Variants in ACTR1B observed in about 807,000 individuals in gnomAD.
The protein encoded by ACTR1B is actin related protein 1B, also known as beta-centractin.
ACTR1B carries 34 observed loss-of-function variants against 49.4 expected under a neutral mutation model. The ratio of observed to expected loss-of-function variants is 0.69; its 90% CI spans 0.52 to 0.92. The LOEUF (loss-of-function observed/expected upper bound fraction) is 0.92. Among genes scored for constraint, ACTR1B ranks in the 40% least tolerant of loss-of-function variants. ACTR1B has a pLI of 0.00. For missense variants in ACTR1B, 471 were observed against 522.4 expected, an observed-to-expected ratio of 0.90 and a Z score of 0.96; for synonymous variants, 207 against 207.8, an observed-to-expected ratio of 1.00 and a Z score of 0.03.
Position 97,656,045 on chromosome 2 carries a change from A to C in ACTR1B, c.*813T>G, listed in dbSNP as rs1159278737. The C allele has an allele frequency of 6.6e-6, 1 of 152,206 alleles. No homozygotes were observed. The highest frequency in any genetic ancestry group is 1.5e-5 in the Non-Finnish European group (1 of 68,026). 9.4% of individuals were successfully genotyped at this position (152,206 alleles called of 1,614,324 possible). On this transcript the variant is annotated 3_prime_UTR_variant, in exon 11 of 11. Transcript: ENST00000289228. Reference sequence around the variant, plus strand: ...CGTGTTAAATTATTGTACATATCTGAGAGAGGGAGGTGGGGCCCTGGCCAC... The same window carrying C: ...CGTGTTAAATTATTGTACATATCTGCGAGAGGGAGGTGGGGCCCTGGCCAC...
intron 1 of ACTR1B, 35 bp downstream of exon 1, chr2:97,663,808 G>A (rs1335148783): frequency 7.4e-7 from 1 of 1,346,932 alleles, no homozygotes; most frequent in Admixed American, 3.0e-5. Context: ...CCCGGGGGCG[G>A]GGCGCCCGCC....
chr2:97,659,365 G>T lies in ACTR1B; in HGVS notation c.302C>A (p.Thr101Asn), dbSNP rs754563776. The T allele has an allele frequency of 1.2e-6, 2 of 1,614,064 alleles. No homozygotes were observed. Among genetic ancestry groups the T allele is most frequent in the South Asian group, 1.1e-5 (1 of 91,082 alleles). ...QYVYSKDQLQ[T>N]FSEEHPVLLT... ...CAGCCGCCACACCTCCTCCGAGAAG[G>T]TCTGCAGCTGATCCTTGGAGTAGAC... The change falls in exon 4 of 11, where the codon ACC (threonine) becomes AAC (asparagine). Residue 101 changes from threonine to asparagine, a missense_variant. Transcript: ENST00000289228. This position sits in a 1 kb window ranked among gnomAD's most constrained non-coding sequence, Gnocchi z 4.0.
In ACTR1B at chr2:97,658,224, A is replaced by T. The variant is rs1228174392; in HGVS notation, c.750T>A (p.Asp250Glu). 3 of 1,614,070 alleles carry T rather than the reference A, an allele frequency of 1.9e-6. No individual in the cohort carries two copies. Among genetic ancestry groups the T allele is most frequent in the South Asian group, 2.2e-5 (2 of 91,078 alleles). Residue 250 changes from aspartate to glutamate, a missense_variant and splice_region_variant, in exon 7 of 11, where the codon GAT becomes GAA. By Grantham distance (45) the Asp-to-Glu change is conservative (BLOSUM62 2). Transcript: ENST00000289228. This position sits in a 1 kb window ranked among gnomAD's most constrained non-coding sequence, Gnocchi z 5.9. The part of the protein sequence containing the change: ...QYTLPDGSTL[D>E]VGPARFRAPE... The stretch of plus-strand genomic sequence containing the variant: ...TCCAGTGCCAGGCCCGGCCACTTAC[A>T]TCAAGCGTGCTGCCGTCTGGCAACG...
rs1674961873 is a variant in ACTR1B, at chr2:97,659,732, C to T, written c.190-255G>A. On this transcript the variant is annotated intron_variant, in intron 3 of 10. Coordinates refer to ENST00000289228, the MANE Select transcript of ACTR1B (RefSeq NM_005735.4). This position sits in a 1 kb window ranked among gnomAD's most constrained non-coding sequence, Gnocchi z 4.0. Reference sequence around the variant, plus strand: ...GATCAGAGAGGGTGGCAGTGTGCCCCGCAATCTGCAGGCTCTCTTCTTCCC... The same window carrying T: ...GATCAGAGAGGGTGGCAGTGTGCCCTGCAATCTGCAGGCTCTCTTCTTCCC... The T allele has an allele frequency of 3.6e-6, 2 of 551,802 alleles. No homozygotes were observed. Among genetic ancestry groups the T allele is most frequent in the South Asian group, 2.2e-5 (1 of 45,076 alleles). The allele number at this position is 551,802 out of a possible 1,614,324, so 34.2% of individuals were successfully genotyped here.
Position 97,658,874 on chromosome 2 carries a change from C to A in ACTR1B, c.440+5G>T. The A allele has an allele frequency of 6.2e-7, 1 of 1,614,056 alleles. No individual in the cohort carries two copies. The highest frequency in any genetic ancestry group is 8.5e-7 in the Non-Finnish European group (1 of 1,180,008). On this transcript the variant is annotated splice_donor_5th_base_variant and intron_variant, in intron 5 of 10. Transcript: ENST00000289228. The surrounding 1 kb of genome is among the most constrained non-coding windows in gnomAD (Gnocchi z 5.9). ...TCAGGGAGGCCAGGCTTAGGGAGCA[C>A]TCACAGACTGAGCACAGCCTGCATG...
rs1249981304 is a variant in ACTR1B at position 97,656,895 on chromosome 2, T to A, written c.1094A>T (p.Glu365Val). The change falls in exon 11 of 11, where the codon GAG becomes GTG. Residue 365 changes from glutamate (E) to valine (V), a missense_variant. Physicochemically the swap from Glu to Val is moderately radical, Grantham distance 121. Transcript: ENST00000289228. Reference sequence around the variant, plus strand: ...GCGATGAATAGCACGGGAGCCATCCTCTTCATACTCCTTTTTGGACACCCA... The same window carrying A: ...GCGATGAATAGCACGGGAGCCATCCACTTCATACTCCTTTTTGGACACCCA... ...KMWVSKKEYE[E>V]DGSRAIHRKT... 1.3e-6 allele frequency: 2 copies of A among 1,593,778 alleles called. No homozygotes were observed. The highest frequency in any genetic ancestry group is 1.7e-6 in the Non-Finnish European group (2 of 1,170,136).
chr2:97,661,848 A>G, intron 2 of ACTR1B, 34 bp downstream of exon 2: 1 of 1,564,052 alleles, frequency 6.4e-7, no homozygotes, highest in Non-Finnish European at 8.7e-7. Context: ...AAGGTAAACA[A>G]AAGGACTAAG....
chr2:97,662,004 C>A, intron 1 of ACTR1B, 58 bp from the exon 2 acceptor site: 1 of 1,532,664 alleles, frequency 6.5e-7, no homozygotes, highest in East Asian at 2.4e-5. Context: ...AGCCAGTCCC[C>A]CGCAATGGAG....
rs1675101585 is a variant in ACTR1B, at chr2:97,663,795, GC to G, written c.48+47del. On this transcript the variant is annotated intron_variant, in intron 1 of 10. Transcript: ENST00000289228. Reference sequence around the variant, plus strand: ...GGTCTCTCCCTGCGCCGCCGCGTGCGCCCCCGGGGGCGGGGCGCCCGCCCTC... The same window carrying G: ...GGTCTCTCCCTGCGCCGCCGCGTGCGCCCCGGGGGCGGGGCGCCCGCCCTC... 8.6e-6 allele frequency: 11 copies of G among 1,278,736 alleles called. No individual in the cohort carries two copies. In the East Asian group the frequency reaches 1.5e-4, roughly 18 times the overall value. The allele number at this position is 1,278,736 out of a possible 1,614,324, so 79.2% of individuals were successfully genotyped here. A position where few individuals can be genotyped will look rare whatever the true frequency, so the allele number is the denominator to read the frequency against.
chr2:97,657,612 T>C, intron 8 of ACTR1B, 103 bp from the exon 9 acceptor site: 1 of 1,183,344 alleles, frequency 8.5e-7, no homozygotes, highest in Admixed American at 1.7e-5. Context: ...TGGTCCTCTA[T>C]CAGCAGCTCT....
chr2:97,663,824 C>G lies in ACTR1B; in HGVS notation c.48+19G>C. The G allele has an allele frequency of 1.4e-6, 2 of 1,388,200 alleles. No homozygotes were observed. Among genetic ancestry groups the G allele is most frequent in the Non-Finnish European group, 9.5e-7 (1 of 1,054,428 alleles). 86.0% of individuals were successfully genotyped at this position (1,388,200 alleles called of 1,614,324 possible). ...CCGGGGGCGGGGCGCCCGCCCTCCC[C>G]CTGGCTGCCGGGCCTCACGTTGTCG... On this transcript the variant is annotated intron_variant, in intron 1 of 10. Coordinates refer to ENST00000289228, the MANE Select transcript of ACTR1B (RefSeq NM_005735.4).
In ACTR1B at chr2:97,659,038, A is replaced by C. The variant is rs748808788; in HGVS notation, c.316-35T>G. On this transcript the variant is annotated intron_variant, in intron 4 of 10. Coordinates refer to ENST00000289228, the MANE Select transcript of ACTR1B (RefSeq NM_005735.4). The surrounding 1 kb of genome is among the most constrained non-coding windows in gnomAD (Gnocchi z 4.0). The stretch of plus-strand genomic sequence containing the variant: ...ACGGGACAGTTGTAGGCATCAGAGG[A>C]GGCAACTTGCAAGGCCCTAAAAGGC... 6 of 1,613,248 alleles carry C rather than the reference A, an allele frequency of 3.7e-6. No homozygotes were observed. Among genetic ancestry groups the C allele is most frequent in the South Asian group, 3.3e-5 (3 of 91,032 alleles).
Position 97,656,834 on chromosome 2 carries a change from A to G in ACTR1B, c.*24T>C. The G allele has an allele frequency of 6.4e-7, 1 of 1,552,254 alleles. No individual in the cohort carries two copies. The highest frequency in any genetic ancestry group is 8.7e-7 in the Non-Finnish European group (1 of 1,142,946). On this transcript the variant is annotated 3_prime_UTR_variant, in exon 11 of 11. Transcript: ENST00000289228. ...TGTCTCCCCTCCCTCCCCCTCTCCC[A>G]ACATGCCCCGCCCTCCTTGGGCACT...
In ACTR1B at chr2:97,659,589, C is replaced by T. The variant is rs1034800247; in HGVS notation, c.190-112G>A. On this transcript the variant is annotated intron_variant, in intron 3 of 10. Transcript: ENST00000289228. The surrounding 1 kb of genome is among the most constrained non-coding windows in gnomAD (Gnocchi z 4.0). ...TGACCAGAACCTCACCTGCCCTGAC[C>T]AGAACCACCCCTGCTCACTGGGTGT... 8.4e-6 allele frequency: 7 copies of T among 835,516 alleles called. No homozygotes were observed. In the East Asian group the frequency reaches 1.8e-4, roughly 22 times the overall value. 51.8% of individuals were successfully genotyped at this position (835,516 alleles called of 1,614,324 possible).
rs1390360974 is a variant in ACTR1B, at chr2:97,658,519, C to T, written c.565G>A (p.Asp189Asn). The change falls in exon 6 of 11, where the codon GAC becomes AAC. Residue 189 changes from aspartate to asparagine, a missense_variant. Coordinates refer to ENST00000289228, the MANE Select transcript of ACTR1B (RefSeq NM_005735.4). This position sits in a 1 kb window ranked among gnomAD's most constrained non-coding sequence, Gnocchi z 5.9. Reference protein sequence around the residue: ...SIMRVDIAGRDVSRYLRLLLR... With the variant: ...SIMRVDIAGRNVSRYLRLLLR... ...AGGAGTCGGAGGTAGCGGGAGACGT[C>T]GCGGCCGGCAATGTCCACCCGCATG... The T allele has an allele frequency of 4.3e-6, 7 of 1,613,968 alleles. No individual in the cohort carries two copies. The highest frequency in any genetic ancestry group is 5.1e-6 in the Non-Finnish European group (6 of 1,180,014).
Position 97,658,124 on chromosome 2 carries a change from T to C in ACTR1B, c.751-7A>G, listed in dbSNP as rs1674891629. On this transcript the variant is annotated splice_polypyrimidine_tract_variant and splice_region_variant and intron_variant, in intron 7 of 10. Transcript: ENST00000289228. The surrounding 1 kb of genome is among the most constrained non-coding windows in gnomAD (Gnocchi z 5.9). ...GGAATCGTGCAGGCCCCACCTTTAG[T>C]GTACAAGATTGAGGCAGACAGGCTT... is the stretch of plus-strand genomic sequence containing the variant. 1 of 1,613,496 alleles carries C rather than the reference T, an allele frequency of 6.2e-7. No individual in the cohort carries two copies.
intron 2 of ACTR1B, among the ~76,000 whole-genome samples, chr2:97,661,248 C>T (rs961970545): frequency 4.6e-5 from 7 of 152,212 alleles, no homozygotes; most frequent in South Asian, 2.1e-4. Context: ...AGGCCGGGCT[C>T]GGGCTAGCCT....
chr2:97,657,967 A>T lies in ACTR1B; in HGVS notation c.901T>A (p.Ser301Thr). ...CCTTTGAAAAGCGTTGAGCCACCTG[A>T]GAGCACGATGTTGGCGAACAGCGTC... ...RRTLFANIVLSGGSTLFKGFG... is the reference protein window; with the variant it reads ...RRTLFANIVLTGGSTLFKGFG... The change falls in exon 8 of 11, where the codon TCA becomes ACA. Residue 301 changes from serine (S) to threonine (T), a missense_variant. Transcript: ENST00000289228. 1 of 1,614,148 alleles carries T rather than the reference A, an allele frequency of 6.2e-7. No individual in the cohort carries two copies. The highest frequency in any genetic ancestry group is 8.5e-7 in the Non-Finnish European group (1 of 1,180,034).
chr2:97,659,333 G>A lies in ACTR1B; in HGVS notation c.315+19C>T. 1 of 1,613,678 alleles carries A rather than the reference G, an allele frequency of 6.2e-7. No individual in the cohort carries two copies. Among genetic ancestry groups the A allele is most frequent in the African/African-American group, 1.3e-5 (1 of 75,048 alleles). On this transcript the variant is annotated intron_variant, in intron 4 of 10. Transcript: ENST00000289228. The surrounding 1 kb of genome is among the most constrained non-coding windows in gnomAD (Gnocchi z 4.0). ...TGGCCAGGAGAATGCAGAGCATGCA[G>A]GAGGGGCAGCCGCCACACCTCCTCC...
Sources: gnomAD v4.1 joint callset for allele counts (sites outside exome capture counted in the v4.1 genomes callset) on GRCh38, gnomAD v4.1.1 for gene constraint, Gnocchi (gnomAD v3.1) non-coding constraint, MANE v1.5 for transcripts, NCBI Gene and HGNC (gene_info 2026-07-23, HGNC 2026-07-21) for gene names.